Variants in NPR2 observed in about 807,000 individuals in gnomAD.
NPR2 encodes atrial natriuretic peptide receptor 2.
Under a neutral mutation model 120.7 loss-of-function variants are expected in NPR2, and 49 were observed. The ratio of observed to expected loss-of-function variants is 0.41; its 90% CI spans 0.32 to 0.52. The LOEUF is 0.52. Among genes scored for constraint, NPR2 ranks in the 20% least tolerant of loss-of-function variants. The pLI, the probability that NPR2 is intolerant of heterozygous loss-of-function variation, is 0.36. For synonymous variants in NPR2, 484 were observed against 519.8 expected, an observed-to-expected ratio of 0.93 and a Z score of 0.94; for missense variants, 931 against 1,362.9, an observed-to-expected ratio of 0.68 and a Z score of 4.99.
In NPR2 at chr9:35,792,763, C is replaced by T. The variant is rs147291944; in HGVS notation, c.355C>T (p.Leu119=). The part of the protein sequence containing the change: ...ARFASHWRLP[L]LTAGAVASGF... ...CTTTGCCTCCCACTGGCGCCTTCCC[C>T]TGCTGACTGCGGGTGCTGTGGCCTC... The change falls in exon 1 of 22, where the codon CTG becomes TTG. Residue 119 remains leucine, a synonymous_variant. Transcript: ENST00000342694. 7.4e-6 allele frequency: 12 copies of T among 1,614,088 alleles called. No homozygotes were observed. The African/African-American group carries it at 1.3e-4, about 18-fold the overall frequency.
rs147291944 is a variant in NPR2, at chr9:35,792,763, C to A, written c.355C>A (p.Leu119Met). The A allele has an allele frequency of 3.1e-6, 5 of 1,614,206 alleles. No homozygotes were observed. The highest frequency in any genetic ancestry group is 4.2e-6 in the Non-Finnish European group (5 of 1,180,044). The change falls in exon 1 of 22, where the codon CTG becomes ATG. Residue 119 changes from leucine to methionine, a missense_variant. Coordinates refer to ENST00000342694, the MANE Select transcript of NPR2 (RefSeq NM_003995.4). ...CTTTGCCTCCCACTGGCGCCTTCCC[C>A]TGCTGACTGCGGGTGCTGTGGCCTC... ...ARFASHWRLP[L>M]LTAGAVASGF...
Position 35,806,719 on chromosome 9 carries a change from C to A in NPR2, c.2519+181C>A, listed in dbSNP as rs1008571917. 6.6e-6 allele frequency among the ~76,000 whole-genome samples: 1 copy of A among 152,246 alleles called. No homozygotes were observed. Among genetic ancestry groups the A allele is most frequent in the East Asian group, 1.9e-4 (1 of 5,200 alleles). On this transcript the variant is annotated intron_variant, in intron 16 of 21. Coordinates refer to ENST00000342694, the MANE Select transcript of NPR2 (RefSeq NM_003995.4). The surrounding 1 kb of genome is among the most constrained non-coding windows in gnomAD (Gnocchi z 4.6). Reference sequence around the variant, plus strand: ...CCACATCAGCTATGCTGCCTTCTTACTGGCTGCCCATCCCTTCTTCTTAAG... The same window carrying A: ...CCACATCAGCTATGCTGCCTTCTTAATGGCTGCCCATCCCTTCTTCTTAAG...
Position 35,805,443 on chromosome 9 carries a change from A to G in NPR2, c.1888-68A>G. 1.3e-6 allele frequency: 2 copies of G among 1,495,816 alleles called. No homozygotes were observed. Among genetic ancestry groups the G allele is most frequent in the South Asian group, 1.1e-5 (1 of 88,680 alleles). 92.7% of individuals were successfully genotyped at this position (1,495,816 alleles called of 1,614,324 possible). On this transcript the variant is annotated intron_variant, in intron 12 of 21. Coordinates refer to ENST00000342694, the MANE Select transcript of NPR2 (RefSeq NM_003995.4). This position sits in a 1 kb window ranked among gnomAD's most constrained non-coding sequence, Gnocchi z 4.9. Reference sequence around the variant, plus strand: ...ATCTGTAGACAGCTAGCCAGTGCCCATCTCATGGAGAGAGGGTATTCTAAG... The same window carrying G: ...ATCTGTAGACAGCTAGCCAGTGCCCGTCTCATGGAGAGAGGGTATTCTAAG...
chr9:35,806,547 T>G lies in NPR2; in HGVS notation c.2519+9T>G. ...TACCAAATCCTACCCCAGTGAGACT[T>G]TGTCCCCCTTCCTGTATTTTCTTTT... On this transcript the variant is annotated intron_variant, in intron 16 of 21. Coordinates refer to ENST00000342694, the MANE Select transcript of NPR2 (RefSeq NM_003995.4). The surrounding 1 kb of genome is among the most constrained non-coding windows in gnomAD (Gnocchi z 4.6). The G allele has an allele frequency of 6.2e-7, 1 of 1,614,132 alleles. No homozygotes were observed. The highest frequency in any genetic ancestry group is 8.5e-7 in the Non-Finnish European group (1 of 1,180,006).
chr9:35,796,223 C>T (rs2132072128), intron 2 of NPR2, among the ~76,000 whole-genome samples: 1 of 152,296 alleles, frequency 6.6e-6, no homozygotes, highest in East Asian at 1.9e-4. Context: ...AGCTCTGTTG[C>T]CCAAGTTGGA....
At chr9:35,807,001 A>G in intron 16 of NPR2, 22 bp from the exon 17 acceptor site, 1 of 1,613,860 alleles carries the variant, frequency 6.2e-7, no homozygotes, top group Non-Finnish European at 8.5e-7. Flanking sequence ...AGTTTGGCTC[A>G]TACGGCACCC....
At chr9:35,801,831 T>C in intron 8 of NPR2, 68 bp downstream of exon 8, 1 of 1,608,868 alleles carries the variant, frequency 6.2e-7, no homozygotes, top group South Asian at 1.1e-5. Context: ...CCTGGATCTC[T>C]CCCAGCACAT....
chr9:35,801,572 G>A lies in NPR2; in HGVS notation c.1437-71G>A, dbSNP rs1018954343. The A allele has an allele frequency of 4.9e-5, 78 of 1,587,712 alleles. No individual in the cohort carries two copies. In the Admixed American group the frequency reaches 1.3e-3, roughly 26 times the overall value. ...CTTCAGGAGCTGCAGGGAAGCCCCT[G>A]CAACCCTGCTGTTGGCTTGGGGGTG... On this transcript the variant is annotated intron_variant, in intron 7 of 21. Coordinates refer to ENST00000342694, the MANE Select transcript of NPR2 (RefSeq NM_003995.4).
rs1419436726 is a variant in NPR2, at chr9:35,800,796, A to G, written c.1306A>G (p.Asn436Asp). 3.1e-6 allele frequency: 5 copies of G among 1,614,128 alleles called. No individual in the cohort carries two copies. In the South Asian group the frequency reaches 5.5e-5, roughly 18 times the overall value. The change falls in exon 6 of 22, where the codon AAT becomes GAT. Residue 436 changes from asparagine (N) to aspartate (D), a missense_variant. Transcript: ENST00000342694. The surrounding 1 kb of genome is among the most constrained non-coding windows in gnomAD (Gnocchi z 4.7). Reference protein sequence around the residue: ...PWVKGAPPSDNPPCAFDLDDP... With the variant: ...PWVKGAPPSDDPPCAFDLDDP... ...GGTGAAGGGGGCTCCTCCCTCGGAC[A>G]ATCCCCCCTGTGCCTTTGACTTGGA... is the stretch of plus-strand genomic sequence containing the variant.
In NPR2 at chr9:35,806,010, G is replaced by C. The variant is rs537416144; in HGVS notation, c.2203+25G>C. ...GGTAAGAGTCAATCCACTACCCACAGCCTCTTCTTCCTGGGGGAACTCTGT... is the reference window on the plus strand; with the variant it reads ...GGTAAGAGTCAATCCACTACCCACACCCTCTTCTTCCTGGGGGAACTCTGT... On this transcript the variant is annotated intron_variant, in intron 14 of 21. Transcript: ENST00000342694. The surrounding 1 kb of genome is among the most constrained non-coding windows in gnomAD (Gnocchi z 4.6). The C allele has an allele frequency of 6.2e-7, 1 of 1,614,172 alleles. No homozygotes were observed. The highest frequency in any genetic ancestry group is 1.7e-5 in the Admixed American group (1 of 60,028).
rs763163290 is a variant in NPR2, at chr9:35,801,983, A to G, written c.1615A>G (p.Asn539Asp). Residue 539 changes from asparagine to aspartate, a missense_variant, in exon 9 of 22, where the codon AAC becomes GAC. Transcript: ENST00000342694. Reference sequence around the variant, plus strand: ...CCATGGGAAATACCAGATCTTTGCCAACACCGGTCACTTCAAGGTGAACAG... The same window carrying G: ...CCATGGGAAATACCAGATCTTTGCCGACACCGGTCACTTCAAGGTGAACAG... ...TAHGKYQIFANTGHFKGNVVA... is the reference protein window; with the variant it reads ...TAHGKYQIFADTGHFKGNVVA... 1 of 1,614,084 alleles carries G rather than the reference A, an allele frequency of 6.2e-7. No individual in the cohort carries two copies. Among genetic ancestry groups the G allele is most frequent in the Non-Finnish European group, 8.5e-7 (1 of 1,179,972 alleles).
In NPR2 at chr9:35,806,648, C is replaced by T; in HGVS notation, c.2519+110C>T. 1 of 1,136,184 alleles carries T rather than the reference C, an allele frequency of 8.8e-7. No homozygotes were observed. The highest frequency in any genetic ancestry group is 1.2e-5 in the South Asian group (1 of 80,130). The allele number at this position is 1,136,184 out of a possible 1,614,324, so 70.4% of individuals were successfully genotyped here. A position where few individuals can be genotyped will look rare whatever the true frequency, so the allele number is the denominator to read the frequency against. ...TCCCCACCCTCAGAACCCTGCTGGC[C>T]ACAGGGAGCACCCCTGCTTATAGAT... On this transcript the variant is annotated intron_variant, in intron 16 of 21. Transcript: ENST00000342694. This position sits in a 1 kb window ranked among gnomAD's most constrained non-coding sequence, Gnocchi z 4.6.
Position 35,802,282 on chromosome 9 carries a change from A to G in NPR2, c.1709A>G (p.His570Arg), listed in dbSNP as rs756307894. Reference protein sequence around the residue: ...LTRQVLFELKHMRDVQFNHLT... With the variant: ...LTRQVLFELKRMRDVQFNHLT... ...CGGCAGGTTCTGTTTGAACTCAAACATGTATGTAACAGAGGATGGACTCTA... is the reference window on the plus strand; with the variant it reads ...CGGCAGGTTCTGTTTGAACTCAAACGTGTATGTAACAGAGGATGGACTCTA... The change falls in exon 10 of 22, where the codon CAT becomes CGT. Residue 570 changes from histidine to arginine, a missense_variant and splice_region_variant. By Grantham distance (29) the His-to-Arg change is conservative. Transcript: ENST00000342694. This position sits in a 1 kb window ranked among gnomAD's most constrained non-coding sequence, Gnocchi z 4.2. 1 of 1,559,272 alleles carries G rather than the reference A, an allele frequency of 6.4e-7. No individual in the cohort carries two copies. Among genetic ancestry groups the G allele is most frequent in the Non-Finnish European group, 8.8e-7 (1 of 1,131,006 alleles).
Position 35,792,702 on chromosome 9 carries a change from T to C in NPR2, c.294T>C (p.Gly98=). 6.2e-7 allele frequency: 1 copy of C among 1,614,126 alleles called. No homozygotes were observed. The highest frequency in any genetic ancestry group is 8.5e-7 in the Non-Finnish European group (1 of 1,180,036). The change falls in exon 1 of 22, where the codon GGT becomes GGC. Residue 98 remains glycine, a synonymous_variant. Transcript: ENST00000342694. ...KLYHDPDLLL[G]PGCVYPAASV... ...ACCATGACCCCGACCTGCTGTTAGG[T>C]CCCGGTTGCGTGTACCCTGCTGCCT...
At chr9:35,804,319 G>A (rs959645023) in intron 12 of NPR2, among the ~76,000 whole-genome samples, 1 of 150,944 alleles carries the variant, frequency 6.6e-6, no homozygotes, top group African/African-American at 2.4e-5. Flanking sequence ...CTGCAGCTTC[G>A]ACCTCCTGGG....
Position 35,792,800 on chromosome 9 carries a change from C to T in NPR2, c.392C>T (p.Ala131Val). The change falls in exon 1 of 22, where the codon GCT becomes GTT. Residue 131 changes from alanine (A) to valine (V), a missense_variant. Physicochemically the swap from Ala to Val is moderately conservative, Grantham distance 64. Coordinates refer to ENST00000342694, the MANE Select transcript of NPR2 (RefSeq NM_003995.4). ...GGTGCTGTGGCCTCTGGTTTTTCGG[C>T]TAAGAATGACCATTATCGTACCCTG... ...TAGAVASGFS[A>V]KNDHYRTLVR... The T allele has an allele frequency of 6.2e-7, 1 of 1,614,196 alleles. No homozygotes were observed. Among genetic ancestry groups the T allele is most frequent in the Non-Finnish European group, 8.5e-7 (1 of 1,180,032 alleles).
Position 35,792,769 on chromosome 9 carries a change from A to C in NPR2, c.361A>C (p.Thr121Pro). Reference sequence around the variant, plus strand: ...CTCCCACTGGCGCCTTCCCCTGCTGACTGCGGGTGCTGTGGCCTCTGGTTT... The same window carrying C: ...CTCCCACTGGCGCCTTCCCCTGCTGCCTGCGGGTGCTGTGGCCTCTGGTTT... ...FASHWRLPLLTAGAVASGFSA... is the reference protein window; with the variant it reads ...FASHWRLPLLPAGAVASGFSA... Residue 121 changes from threonine (T) to proline (P), a missense_variant, in exon 1 of 22, where the codon ACT becomes CCT. By Grantham distance (38) the Thr-to-Pro change is conservative (BLOSUM62 -1). Transcript: ENST00000342694. 2 of 1,614,050 alleles carry C rather than the reference A, an allele frequency of 1.2e-6. No homozygotes were observed. Among genetic ancestry groups the C allele is most frequent in the Non-Finnish European group, 1.7e-6 (2 of 1,180,014 alleles).
intron 2 of NPR2, among the ~76,000 whole-genome samples, chr9:35,794,834 T>TTG (rs59763394): frequency 0.25 from 37,653 of 149,602 alleles, 5,191 homozygotes; most frequent in African/African-American, 0.37. Flanking sequence ...CCTTGACTTT[T>TTG]TGTGTGTGTG....
Position 35,802,618 on chromosome 9 carries a change from G to C in NPR2, c.1815+11G>C, listed in dbSNP as rs1828215599. The C allele has an allele frequency of 6.5e-7, 1 of 1,530,214 alleles. No homozygotes were observed. Among genetic ancestry groups the C allele is most frequent in the Non-Finnish European group, 9.1e-7 (1 of 1,103,556 alleles). The allele number at this position is 1,530,214 out of a possible 1,614,324, so 94.8% of individuals were successfully genotyped here. A position where few individuals can be genotyped will look rare whatever the true frequency, so the allele number is the denominator to read the frequency against. The stretch of plus-strand genomic sequence containing the variant: ...CGTGGGAGTTTACAGGTGAGGGATA[G>C]GTGTAGGAGATTATGGCAGGGGTGG... On this transcript the variant is annotated intron_variant, in intron 11 of 21. Coordinates refer to ENST00000342694, the MANE Select transcript of NPR2 (RefSeq NM_003995.4). This position sits in a 1 kb window ranked among gnomAD's most constrained non-coding sequence, Gnocchi z 4.2.
Sources: allele counts gnomAD v4.1 joint callset (sites outside exome capture counted in the v4.1 genomes callset), GRCh38; gene constraint gnomAD v4.1.1; non-coding constraint Gnocchi (gnomAD v3.1); transcripts MANE v1.5; gene names NCBI Gene and HGNC (gene_info 2026-07-23, HGNC 2026-07-21).